Variants in ARRDC5 observed in about 807,000 individuals in gnomAD.
ARRDC5 encodes arrestin domain-containing protein 5.
Under a neutral mutation model 13.3 loss-of-function variants are expected in ARRDC5, and 12 were observed. The observed-to-expected ratio is 0.90, with a 90% confidence interval of 0.58 to 1.46. The LOEUF is 1.46. ARRDC5 is among the 40% of genes most tolerant of loss of function. ARRDC5 has a pLI of 0.00. For missense variants in ARRDC5, 406 were observed against 418.7 expected, an observed-to-expected ratio of 0.97 and a Z score of 0.26; for synonymous variants, 181 against 173.4, an observed-to-expected ratio of 1.04 and a Z score of -0.34.
chr19:4,908,740 AT>A, the ARRDC5 span, among the ~76,000 whole-genome samples: 1 of 152,072 alleles, frequency 6.6e-6, no homozygotes, highest in African/African-American at 2.4e-5. Context: ...TTAGTTATTC[AT>A]TTCTTGCCTG....
At chr19:4,896,300 C>G (rs1252934832) in intron 2 of ARRDC5, among the ~76,000 whole-genome samples, 1 of 109,326 alleles carries the variant, frequency 9.1e-6, no homozygotes, top group Non-Finnish European at 1.7e-5. Context: ...GGTGACAGAG[C>G]GAGACTGCAT....
the ARRDC5 span, among the ~76,000 whole-genome samples, chr19:4,911,918 T>A: frequency 6.6e-6 from 1 of 152,146 alleles, no homozygotes. Context: ...GAGCTGCGTG[T>A]ACCCCACTGT....
At position 4,890,546 on chromosome 19, in the gene ARRDC5, C is replaced by A. The variant is rs1264584121; in HGVS notation, c.*500G>T. 6.4e-6 allele frequency: 1 copy of A among 157,150 alleles called. No individual in the cohort carries two copies. Among genetic ancestry groups the A allele is most frequent in the African/African-American group, 2.4e-5 (1 of 41,412 alleles). The allele number at this position is 157,150 out of a possible 1,614,324, so 9.7% of individuals were successfully genotyped here. On this transcript the variant is annotated 3_prime_UTR_variant, in exon 3 of 3. Transcript: ENST00000650722. ...GTCCTGGGATTACAGGAATGAGCCA[C>A]CATGCTCAGCCCCCTTGGTACTGTT...
chr19:4,895,043 T>C (rs2031663133), intron 2 of ARRDC5, among the ~76,000 whole-genome samples: 1 of 152,188 alleles, frequency 6.6e-6, no homozygotes, highest in African/African-American at 2.4e-5. Flanking sequence ...CTGGTATTTC[T>C]GTCCTGGTCC....
rs753664513 is a variant in ARRDC5 at position 4,890,712 on chromosome 19, A to G, written c.*334T>C. On this transcript the variant is annotated 3_prime_UTR_variant, in exon 3 of 3. Transcript: ENST00000650722. ...CCCTGCAGTTGTGACAGCCAATACA[A>G]CCAGACATTAGCAGAGGGGAGAATT... 6 of 289,840 alleles carry G rather than the reference A, an allele frequency of 2.1e-5. No individual in the cohort carries two copies. The highest frequency in any genetic ancestry group is 3.9e-5 in the Non-Finnish European group (6 of 152,698). 18.0% of individuals were successfully genotyped at this position (289,840 alleles called of 1,614,324 possible).
upstream of ARRDC5, among the ~76,000 whole-genome samples, chr19:4,904,387 G>C (rs913605197): frequency 6.6e-6 from 1 of 152,104 alleles, no homozygotes; most frequent in Non-Finnish European, 1.5e-5. Flanking sequence ...CATCATGTTA[G>C]CCAGGATGGT....
At chr19:4,909,534 C>T in the ARRDC5 span, 51 of 658,478 alleles carry the variant, frequency 7.7e-5, no homozygotes, top group Middle Eastern at 4.7e-4. Flanking sequence ...CAGCGTTTGC[C>T]GAGCGGGCGC....
upstream of ARRDC5, chr19:4,902,959 GC>G: frequency 7.4e-7 from 1 of 1,348,094 alleles, no homozygotes; most frequent in Non-Finnish European, 1.0e-6. Context: ...GACCCCAGTG[GC>G]CAGGAGGGGA....
At chr19:4,904,278 A>G (rs567004424), upstream of ARRDC5, among the ~76,000 whole-genome samples, 28 of 152,056 alleles carry the variant, frequency 1.8e-4, no homozygotes, top group Admixed American at 1.3e-3. Context: ...TCCCGTGTTC[A>G]TGCCATTCTC....
At chr19:4,915,520 C>T in the ARRDC5 span, among the ~76,000 whole-genome samples, 5 of 152,226 alleles carry the variant, frequency 3.3e-5, no homozygotes, top group East Asian at 1.9e-4. Context: ...TCTAGAACAG[C>T]GTGCCAACAT....
upstream of ARRDC5, among the ~76,000 whole-genome samples, chr19:4,904,858 G>A (rs531635277): frequency 6.6e-6 from 1 of 152,262 alleles, no homozygotes; most frequent in East Asian, 1.9e-4. Context: ...AATTATTCCT[G>A]GCACCTGATT....
the ARRDC5 span, chr19:4,910,009 A>C: frequency 0.54 from 93,322 of 172,046 alleles, 28,743 homozygotes; most frequent in African/African-American, 0.85. Context: ...GTTCCCCGGG[A>C]GCATCTGGGC....
At chr19:4,905,551 C>T (rs1445680145), upstream of ARRDC5, among the ~76,000 whole-genome samples, 1 of 149,388 alleles carries the variant, frequency 6.7e-6, no homozygotes, top group African/African-American at 2.5e-5. Context: ...GAGTTTTGCT[C>T]TTGTTGCCCA....
intron 1 of ARRDC5, among the ~76,000 whole-genome samples, chr19:4,900,249 G>A (rs1055917584): frequency 3.6e-5 from 5 of 140,568 alleles, no homozygotes; most frequent in African/African-American, 5.3e-5. Context: ...CCGGGTTCAC[G>A]CCATTCTTCT....
chr19:4,913,479 T>A, the ARRDC5 span, among the ~76,000 whole-genome samples: 1 of 152,090 alleles, frequency 6.6e-6, no homozygotes, highest in African/African-American at 2.4e-5. Flanking sequence ...GGTCTTGAAC[T>A]CCTGACCTCA....
At chr19:4,899,992 T>C (rs2146256291) in intron 1 of ARRDC5, among the ~76,000 whole-genome samples, 1 of 149,524 alleles carries the variant, frequency 6.7e-6, no homozygotes, top group East Asian at 2.0e-4. Context: ...TTTTTTTTTC[T>C]GAGACTGAAT....
upstream of ARRDC5, chr19:4,903,366 G>A (rs536560216): frequency 3.8e-5 from 6 of 157,472 alleles, no homozygotes; most frequent in East Asian, 1.1e-3. Flanking sequence ...AGGCTGGAGT[G>A]TAGTGGCGCG....
In ARRDC5 at chr19:4,896,274, C is replaced by G. The variant is rs1018359816; in HGVS notation, c.459+397G>C. 6.0e-5 allele frequency among the ~76,000 whole-genome samples: 5 copies of G among 83,082 alleles called. 1 individual carries two copies. The highest frequency in any genetic ancestry group is 1.3e-4 in the Non-Finnish European group (5 of 37,232). 54.5% of individuals were successfully genotyped at this position (83,082 alleles called of 152,430 possible). On this transcript the variant is annotated intron_variant, in intron 2 of 2. Transcript: ENST00000650722. ...AGGTTACAGTGAGCCGAGATCATGC[C>G]TCTGCACTTCAGCCTGGTGACAGAG... is the stretch of plus-strand genomic sequence containing the variant.
At chr19:4,894,046 TAAAA>T (rs34393455) in intron 2 of ARRDC5, among the ~76,000 whole-genome samples, 2 of 121,154 alleles carry the variant, frequency 1.7e-5, no homozygotes, top group Non-Finnish European at 1.7e-5. Flanking sequence ...AGACTCTGCC[TAAAA>T]AAAAAAAAAA....
Sources: allele counts gnomAD v4.1 joint callset (sites outside exome capture counted in the v4.1 genomes callset), GRCh38; gene constraint gnomAD v4.1.1; transcripts MANE v1.5; gene names NCBI Gene and HGNC (gene_info 2026-07-23, HGNC 2026-07-21).